NPTN: variants seen among roughly 807,000 people sequenced by gnomAD.
The protein encoded by NPTN is neuroplastin.
In NPTN, 5 loss-of-function variants were observed where a neutral mutation model predicts 42.7. The ratio of observed to expected loss-of-function variants is 0.12; its 90% CI spans 0.06 to 0.25. The LOEUF is 0.25. Ranked by LOEUF, NPTN falls within the 10% of genes least tolerant of loss-of-function variation. NPTN has a pLI of 1.00. For synonymous variants in NPTN, 180 were observed against 201.9 expected, an observed-to-expected ratio of 0.89 and a Z score of 0.92; for missense variants, 307 against 525.4, an observed-to-expected ratio of 0.58 and a Z score of 4.06.
rs901022690 is a variant in NPTN, at chr15:73,570,089, T to C, written c.1114+61A>G. ...CATCCCTATAGTCCTCTTTGGGTACTTGGAAACCACCCGAAGGAACCAACC... is the reference window on the plus strand; with the variant it reads ...CATCCCTATAGTCCTCTTTGGGTACCTGGAAACCACCCGAAGGAACCAACC... On this transcript the variant is annotated intron_variant, in intron 6 of 8. Coordinates refer to ENST00000345330, the MANE Select transcript of NPTN (RefSeq NM_012428.4). The surrounding 1 kb of genome is among the most constrained non-coding windows in gnomAD (Gnocchi z 4.0). 6 of 1,515,096 alleles carry C rather than the reference T, an allele frequency of 4.0e-6. No homozygotes were observed. The highest frequency in any genetic ancestry group is 3.6e-4 in the Middle Eastern group (2 of 5,614). The allele number at this position is 1,515,096 out of a possible 1,614,324, so 93.9% of individuals were successfully genotyped here.
At position 73,574,923 on chromosome 15, in the gene NPTN, C is replaced by T. The variant is rs112580779; in HGVS notation, c.707-1128G>A. On this transcript the variant is annotated intron_variant, in intron 4 of 8. Transcript: ENST00000345330. ...GGATCAAAGAAGCCTGAGATAAAAG[C>T]GAATTCTTTGGATTTAGCTTTATTT... Among the ~76,000 whole-genome samples, 674 of 152,298 alleles carry T rather than the reference C, an allele frequency of 4.4e-3. 12 individuals are homozygous for T. Among genetic ancestry groups the T allele is most frequent in the African/African-American group, 0.016 (649 of 41,566 alleles).
At chr15:73,588,117 G>C (rs1397733795) in intron 3 of NPTN, among the ~76,000 whole-genome samples, 1 of 152,132 alleles carries the variant, frequency 6.6e-6, no homozygotes, top group African/African-American at 2.4e-5. Flanking sequence ...GCACATGCCT[G>C]TAATCCCAGC....
intron 6 of NPTN, chr15:73,567,653 A>G: frequency 1.0e-6 from 1 of 985,438 alleles, no homozygotes; most frequent in Non-Finnish European, 1.2e-6. Context: ...TACTTCCAGG[A>G]AAGGAGAAGA....
At chr15:73,576,069 G>GCTTA (rs1304557319) in intron 4 of NPTN, among the ~76,000 whole-genome samples, 3 of 152,150 alleles carry the variant, frequency 2.0e-5, no homozygotes, top group African/African-American at 7.2e-5. Context: ...CTTTCTCAGA[G>GCTTA]CTTACTTCAG....
chr15:73,599,573 C>T (rs1323191902), intron 1 of NPTN: 2 of 147,214 alleles, frequency 1.4e-5, no homozygotes, highest in African/African-American at 2.5e-5. Flanking sequence ...AAGATCGTGC[C>T]ACTGTACTCT....
At chr15:73,568,657 A>C (rs1049264907) in intron 6 of NPTN, 4 of 985,370 alleles carry the variant, frequency 4.1e-6, no homozygotes, top group Non-Finnish European at 4.8e-6. Context: ...ATAAAGTAGG[A>C]AAGTAAAACT....
chr15:73,593,883 C>T (rs1388997425), intron 2 of NPTN, among the ~76,000 whole-genome samples: 1 of 152,120 alleles, frequency 6.6e-6, no homozygotes, highest in African/African-American at 2.4e-5. Context: ...CATGTAAACA[C>T]GTTAGCGCAG....
intron 1 of NPTN, among the ~76,000 whole-genome samples, chr15:73,625,553 G>A (rs1048283348): frequency 2.0e-5 from 3 of 152,156 alleles, no homozygotes; most frequent in East Asian, 1.9e-4. Flanking sequence ...GGATGGTCTC[G>A]ATCTCCTGAC....
At chr15:73,630,300 G>C (rs1898668503) in intron 1 of NPTN, among the ~76,000 whole-genome samples, 1 of 152,226 alleles carries the variant, frequency 6.6e-6, no homozygotes, top group Non-Finnish European at 1.5e-5. Context: ...ACCGTCCAAA[G>C]CCTGCACTCT....
At chr15:73,621,604 T>C (rs1898138585) in intron 1 of NPTN, among the ~76,000 whole-genome samples, 2 of 152,194 alleles carry the variant, frequency 1.3e-5, no homozygotes, top group African/African-American at 4.8e-5. Context: ...AGTACTAAAA[T>C]GCAAACAGAC....
intron 1 of NPTN, among the ~76,000 whole-genome samples, chr15:73,629,296 T>C (rs1566994921): frequency 6.6e-6 from 1 of 152,224 alleles, no homozygotes; most frequent in South Asian, 2.1e-4. Flanking sequence ...TCAAATCTTA[T>C]TTGGATTATT....
In NPTN at chr15:73,633,293, G is replaced by A. The variant is rs1595984679; in HGVS notation, c.-78C>T. On this transcript the variant is annotated 5_prime_UTR_variant, in exon 1 of 9. Transcript: ENST00000345330. ...GGGGAAGGGAGGGGAGGGAGGGAGGGGGCGGGCGAGTGCGCGAGGGAGTGA... is the reference window on the plus strand; with the variant it reads ...GGGGAAGGGAGGGGAGGGAGGGAGGAGGCGGGCGAGTGCGCGAGGGAGTGA... The A allele has an allele frequency of 1.2e-5, 12 of 1,009,202 alleles. No homozygotes were observed. The East Asian group carries it at 1.8e-4, about 15-fold the overall frequency. The allele number at this position is 1,009,202 out of a possible 1,614,324, so 62.5% of individuals were successfully genotyped here. A position where few individuals can be genotyped will look rare whatever the true frequency, so the allele number is the denominator to read the frequency against.
chr15:73,579,586 T>G (rs1192283254), intron 4 of NPTN, among the ~76,000 whole-genome samples: 1 of 152,056 alleles, frequency 6.6e-6, no homozygotes, highest in Non-Finnish European at 1.5e-5. Context: ...AAAGTCACTA[T>G]TCTGAAAGGA....
chr15:73,621,318 G>T lies in NPTN; in HGVS notation c.91+11807C>A, dbSNP rs536762072. Among the ~76,000 whole-genome samples, 5 of 152,240 alleles carry T rather than the reference G, an allele frequency of 3.3e-5. No homozygotes were observed. In the South Asian group the frequency reaches 1.0e-3, roughly 32 times the overall value. ...AACCATCTAAAATGCACATTTTAATGATATGCTCATCATTTGTCAAAAGAG... is the reference window on the plus strand; with the variant it reads ...AACCATCTAAAATGCACATTTTAATTATATGCTCATCATTTGTCAAAAGAG... On this transcript the variant is annotated intron_variant, in intron 1 of 8. Transcript: ENST00000345330.
intron 4 of NPTN, among the ~76,000 whole-genome samples, chr15:73,578,448 T>C (rs542568133): frequency 1.2e-4 from 18 of 152,228 alleles, no homozygotes; most frequent in African/African-American, 4.1e-4. Flanking sequence ...AGTTAACATA[T>C]TTGCTAATAG....
At chr15:73,615,085 T>G (rs2141458362) in intron 1 of NPTN, among the ~76,000 whole-genome samples, 1 of 152,192 alleles carries the variant, frequency 6.6e-6, no homozygotes. Flanking sequence ...TGCTCATCAC[T>G]AGGTCTAAAA....
At chr15:73,615,743 G>C (rs574397118) in intron 1 of NPTN, among the ~76,000 whole-genome samples, 1 of 152,184 alleles carries the variant, frequency 6.6e-6, no homozygotes, top group South Asian at 2.1e-4. Context: ...AACAAAGACC[G>C]ATTTTTAAAA....
intron 1 of NPTN, among the ~76,000 whole-genome samples, chr15:73,604,928 G>A (rs1360971565): frequency 1.3e-5 from 2 of 151,932 alleles, no homozygotes; most frequent in African/African-American, 2.4e-5. Flanking sequence ...ACAACATGGT[G>A]AAATCCTGTC....
At chr15:73,609,108 G>C (rs1897432404) in intron 1 of NPTN, among the ~76,000 whole-genome samples, 1 of 152,182 alleles carries the variant, frequency 6.6e-6, no homozygotes, top group African/African-American at 2.4e-5. Flanking sequence ...ATTCACCACT[G>C]AATGCAATGC....
Sources: gnomAD v4.1 joint callset for allele counts (sites outside exome capture counted in the v4.1 genomes callset) on GRCh38, gnomAD v4.1.1 for gene constraint, Gnocchi (gnomAD v3.1) non-coding constraint, MANE v1.5 for transcripts, NCBI Gene and HGNC (gene_info 2026-07-23, HGNC 2026-07-21) for gene names.